The following RBPMS variants were observed in gnomAD, a reference collection of about 807,000 sequenced individuals.
The protein encoded by RBPMS is RNA binding protein, mRNA processing factor.
A neutral mutation model predicts 26.8 loss-of-function variants in RBPMS; 7 were observed. The ratio of observed to expected loss-of-function variants is 0.26; its 90% CI spans 0.15 to 0.49. RBPMS has a LOEUF of 0.49. Ranked by LOEUF, RBPMS falls within the 20% of genes least tolerant of loss-of-function variation. RBPMS has a pLI of 0.98. For missense variants in RBPMS, 186 were observed against 250.0 expected (o/e 0.74, Z 1.73); for synonymous variants, 96 against 93.3 (o/e 1.03, Z -0.17).
intron 7 of RBPMS, among the ~76,000 whole-genome samples, chr8:30,559,453 G>C (rs1020820360): frequency 6.6e-6 from 1 of 152,216 alleles, no homozygotes; most frequent in African/African-American, 2.4e-5. Context: ...AGTTCCAGCA[G>C]GCTTTCCTTT....
At position 30,572,148 on chromosome 8, in the gene RBPMS, T is replaced by TACTC. The variant is rs1215445325; in HGVS notation, c.*1624_*1627dup. On this transcript the variant is annotated 3_prime_UTR_variant, in exon 9 of 9. Coordinates refer to ENST00000397323, the MANE Select transcript of RBPMS (RefSeq NM_001008710.3). ...CAATCGGCTCTTGGTGAGATGACTG[T>TACTC]ACTCCTAAGGAAAATAGCCACTTCT... The TACTC allele has an allele frequency of 9.8e-5, 15 of 152,352 alleles. No individual in the cohort carries two copies. The highest frequency in any genetic ancestry group is 3.4e-4 in the African/African-American group (14 of 41,580). 9.4% of individuals were successfully genotyped at this position (152,352 alleles called of 1,614,324 possible).
chr8:30,568,279 T>C (rs1828037325), intron 8 of RBPMS, among the ~76,000 whole-genome samples: 2 of 152,094 alleles, frequency 1.3e-5, no homozygotes, highest in Non-Finnish European at 2.9e-5. Context: ...TAGAAACTCT[T>C]GGGGAAGGAA....
At chr8:30,538,033 C>T (rs1824979572) in intron 5 of RBPMS, among the ~76,000 whole-genome samples, 2 of 152,224 alleles carry the variant, frequency 1.3e-5, no homozygotes, top group African/African-American at 4.8e-5. Context: ...GAAATCAATG[C>T]TATAGGTTTA....
At chr8:30,517,969 G>A (rs1054097423) in intron 5 of RBPMS, among the ~76,000 whole-genome samples, 2 of 152,166 alleles carry the variant, frequency 1.3e-5, no homozygotes, top group Non-Finnish European at 2.9e-5. Flanking sequence ...CAGCTGAAGA[G>A]ATGCCCAGAA....
At chr8:30,431,287 G>T (rs1399111996) in intron 1 of RBPMS, among the ~76,000 whole-genome samples, 1 of 152,060 alleles carries the variant, frequency 6.6e-6, no homozygotes, top group Non-Finnish European at 1.5e-5. Flanking sequence ...TTGGAATGTA[G>T]AGTCAAGGCC....
intron 5 of RBPMS, among the ~76,000 whole-genome samples, chr8:30,529,146 G>T (rs1823919884): frequency 6.6e-6 from 1 of 151,922 alleles, no homozygotes; most frequent in South Asian, 2.1e-4. Flanking sequence ...TGGAACCCAG[G>T]AGGCAGAGGT....
At chr8:30,426,680 CTTTT>C (rs796851926) in intron 1 of RBPMS, among the ~76,000 whole-genome samples, 2 of 127,676 alleles carry the variant, frequency 1.6e-5, no homozygotes, top group Non-Finnish European at 1.7e-5. Context: ...CAGTGATTTT[CTTTT>C]TTTTTTTTTT....
intron 1 of RBPMS, among the ~76,000 whole-genome samples, chr8:30,463,697 A>G (rs1318270312): frequency 6.6e-6 from 1 of 152,244 alleles, no homozygotes; most frequent in Non-Finnish European, 1.5e-5. Flanking sequence ...AATTGTGGAC[A>G]TAGTTTAATA....
intron 7 of RBPMS, among the ~76,000 whole-genome samples, chr8:30,560,100 A>C (rs1827322371): frequency 1.3e-5 from 2 of 152,346 alleles, no homozygotes; most frequent in Middle Eastern, 6.8e-3. Context: ...CGCGCAGGTC[A>C]GTGCCTGTCA....
intron 1 of RBPMS, among the ~76,000 whole-genome samples, chr8:30,456,753 C>G (rs1036138890): frequency 6.6e-6 from 1 of 152,170 alleles, no homozygotes; most frequent in Non-Finnish European, 1.5e-5. Context: ...AACCCCGTCT[C>G]TACCAAAATG....
rs1013804867 is a variant in RBPMS, at chr8:30,504,397, C to T, written c.358C>T (p.Leu120=). 2 of 1,614,102 alleles carry T rather than the reference C, an allele frequency of 1.2e-6. No individual in the cohort carries two copies. Among genetic ancestry groups the T allele is most frequent in the Admixed American group, 1.7e-5 (1 of 60,014 alleles). Residue 120 remains leucine, a synonymous_variant, in exon 5 of 9, where the codon CTG becomes TTG. Transcript: ENST00000397323. ...AGGGACTCCAAACCCCAGTACTCCT[C>T]TGCCCAACACTGTACCTCAGTTCAT... ...LVGTPNPSTP[L]PNTVPQFIAR...
chr8:30,444,617 T>C (rs1257139193), intron 1 of RBPMS: 3 of 152,222 alleles, frequency 2.0e-5, no homozygotes, highest in Non-Finnish European at 4.4e-5. Flanking sequence ...GTGGATGTAG[T>C]GAAGGCCTAC....
chr8:30,521,846 G>A (rs780809822), intron 5 of RBPMS, among the ~76,000 whole-genome samples: 2 of 152,078 alleles, frequency 1.3e-5, no homozygotes, highest in Non-Finnish European at 2.9e-5. Context: ...TGTTAAGAGG[G>A]TAAATCTTAG....
chr8:30,448,073 G>A (rs916810338), intron 1 of RBPMS, among the ~76,000 whole-genome samples: 3 of 152,118 alleles, frequency 2.0e-5, no homozygotes, highest in Non-Finnish European at 4.4e-5. Context: ...ACTCTGACAC[G>A]GAAAGCAAAT....
intron 7 of RBPMS, chr8:30,565,732 C>G (rs1394227399): frequency 6.6e-6 from 1 of 152,286 alleles, no homozygotes. Context: ...TCCTTGGTGC[C>G]TGTGACAGAC....
chr8:30,511,975 T>C (rs906879694), intron 5 of RBPMS, among the ~76,000 whole-genome samples: 6 of 152,182 alleles, frequency 3.9e-5, no homozygotes, highest in East Asian at 1.9e-4. Flanking sequence ...AAAACTAACA[T>C]AGGAATGTGA....
At chr8:30,508,783 T>C (rs116454814) in intron 5 of RBPMS, among the ~76,000 whole-genome samples, 1,721 of 152,330 alleles carry the variant, frequency 0.011, 39 homozygotes, top group African/African-American at 0.038. Flanking sequence ...AATGCACATA[T>C]TTAAGATGGC....
chr8:30,468,598 T>C (rs1816764067), intron 1 of RBPMS, among the ~76,000 whole-genome samples: 1 of 152,182 alleles, frequency 6.6e-6, no homozygotes, highest in South Asian at 2.1e-4. Context: ...GGATACAGGA[T>C]TATGTAAATC....
intron 1 of RBPMS, among the ~76,000 whole-genome samples, chr8:30,431,976 A>AG (rs1811987974): frequency 6.6e-6 from 1 of 151,612 alleles, no homozygotes; most frequent in Non-Finnish European, 1.5e-5. Context: ...TAAAAAAAAA[A>AG]TGTTAGCCAG....
Sources: allele counts gnomAD v4.1 joint callset (sites outside exome capture counted in the v4.1 genomes callset), GRCh38; gene constraint gnomAD v4.1.1; transcripts MANE v1.5; gene names NCBI Gene and HGNC (gene_info 2026-07-23, HGNC 2026-07-21).